The following DACH2 variants were observed in gnomAD, a reference collection of about 807,000 sequenced individuals.
DACH2 encodes the protein dachshund family transcription factor 2, also known as dachshund homolog 2.
Under a neutral mutation model 35.8 loss-of-function variants are expected in DACH2, and 17 were observed. The observed-to-expected ratio is 0.48, with a 90% CI of 0.33 to 0.71. DACH2 has a LOEUF of 0.71. Among genes scored for constraint, DACH2 ranks in the 30% least tolerant of loss-of-function variants. The pLI, the probability that DACH2 is intolerant of heterozygous loss-of-function variation, is 0.02. For missense variants in DACH2, 469 were observed against 472.7 expected (o/e 0.99, Z 0.07); for synonymous variants, 195 against 177.3 (o/e 1.10, Z -0.79).
chrX:86,252,029 C>T (rs999279216), intron 1 of DACH2, among the ~76,000 whole-genome samples: 11 of 111,199 alleles, frequency 9.9e-5, no homozygotes, highest in African/African-American at 2.9e-4. Context: ...TTTATTGTGG[C>T]CACTCTTGCA....
At chrX:86,522,674 T>C (rs2038573881) in intron 3 of DACH2, among the ~76,000 whole-genome samples, 1 of 111,546 alleles carries the variant, frequency 9.0e-6, no homozygotes, top group African/African-American at 3.3e-5. Context: ...GTTGCCTTTA[T>C]ATATTTGAAC....
chrX:86,432,229 G>T (rs1466897659), intron 2 of DACH2, among the ~76,000 whole-genome samples: 1 of 112,180 alleles, frequency 8.9e-6, no homozygotes, highest in Non-Finnish European at 1.9e-5. Flanking sequence ...CAACAGAAAA[G>T]AAGCTGATTT....
chrX:86,221,877 C>G (rs772786768), intron 1 of DACH2, among the ~76,000 whole-genome samples: 20 of 112,125 alleles, frequency 1.8e-4, no homozygotes, highest in African/African-American at 3.2e-4. Flanking sequence ...TTTATTGAGG[C>G]CTTTCTCCTT....
chrX:86,820,795 C>A (rs754354842), intron 11 of DACH2, among the ~76,000 whole-genome samples: 2 of 110,372 alleles, frequency 1.8e-5, no homozygotes, highest in South Asian at 7.6e-4. Context: ...TGAACAGTGT[C>A]TATCCTTCCT....
intron 2 of DACH2, among the ~76,000 whole-genome samples, chrX:86,396,898 T>C (rs1441054853): frequency 9.0e-6 from 1 of 111,302 alleles, no homozygotes; most frequent in East Asian, 2.8e-4. Flanking sequence ...ATATGAACTT[T>C]AAAGTAGTTT....
intron 1 of DACH2, among the ~76,000 whole-genome samples, chrX:86,331,987 G>C (rs955280476): frequency 9.0e-6 from 1 of 111,615 alleles, no homozygotes; most frequent in Non-Finnish European, 1.9e-5. Flanking sequence ...CACCGACATG[G>C]AGTTTTCTGA....
intron 2 of DACH2, among the ~76,000 whole-genome samples, chrX:86,456,516 T>C (rs983840995): frequency 6.3e-5 from 7 of 111,765 alleles, no homozygotes; most frequent in Non-Finnish European, 1.3e-4. Context: ...CCTTTTATCA[T>C]TGCTGTCATT....
chrX:86,727,282 T>C (rs985026012), intron 6 of DACH2, among the ~76,000 whole-genome samples: 1 of 111,834 alleles, frequency 8.9e-6, no homozygotes, highest in African/African-American at 3.3e-5. Context: ...ATTTAAAACA[T>C]ACCTACAGAA....
At chrX:86,184,356 T>C (rs1020038879) in intron 1 of DACH2, 11 of 132,677 alleles carry the variant, frequency 8.3e-5, no homozygotes, top group Non-Finnish European at 1.6e-4. Context: ...TACAGGTACA[T>C]GCCACCATGC....
intron 3 of DACH2, among the ~76,000 whole-genome samples, chrX:86,642,962 A>G (rs1025435168): frequency 9.0e-6 from 1 of 111,259 alleles, no homozygotes; most frequent in Non-Finnish European, 1.9e-5. Context: ...AGGCAGTGTT[A>G]AGAGGGAAAT....
chrX:86,237,869 T>C (rs941561550), intron 1 of DACH2, among the ~76,000 whole-genome samples: 2 of 111,947 alleles, frequency 1.8e-5, no homozygotes, highest in Non-Finnish European at 3.8e-5. Context: ...GACTGCAAGC[T>C]TGGAGATGTC....
intron 1 of DACH2, among the ~76,000 whole-genome samples, chrX:86,154,268 A>C (rs2030466171): frequency 9.0e-6 from 1 of 111,358 alleles, no homozygotes; most frequent in Non-Finnish European, 1.9e-5. Context: ...GGGGTTATCT[A>C]CTCTATACAT....
At chrX:86,635,014 C>A (rs181963054) in intron 3 of DACH2, among the ~76,000 whole-genome samples, 8 of 111,478 alleles carry the variant, frequency 7.2e-5, no homozygotes, top group African/African-American at 2.6e-4. Flanking sequence ...CTAACTTATT[C>A]TATAAGGCCA....
chrX:86,644,201 G>T (rs1408290820), intron 3 of DACH2, among the ~76,000 whole-genome samples: 1 of 109,710 alleles, frequency 9.1e-6, no homozygotes, highest in Non-Finnish European at 1.9e-5. Context: ...ATATGATTCA[G>T]CTGACACATA....
intron 2 of DACH2, among the ~76,000 whole-genome samples, chrX:86,425,883 G>A (rs2036885749): frequency 9.0e-6 from 1 of 110,866 alleles, no homozygotes. Context: ...GTTTAGTAGT[G>A]ATAAGTAGTA....
chrX:86,245,337 A>G (rs1178499092), intron 1 of DACH2, among the ~76,000 whole-genome samples: 2 of 111,282 alleles, frequency 1.8e-5, no homozygotes, highest in Admixed American at 1.9e-4. Context: ...ATGCTTATGG[A>G]CTCTGTTGCT....
At chrX:86,624,311 A>T (rs1166622247) in intron 3 of DACH2, among the ~76,000 whole-genome samples, 3 of 111,667 alleles carry the variant, frequency 2.7e-5, no homozygotes, top group Non-Finnish European at 3.8e-5. Context: ...AATTGCAACC[A>T]AGCAGATCAT....
intron 3 of DACH2, among the ~76,000 whole-genome samples, chrX:86,560,437 A>C (rs1479566960): frequency 2.0e-5 from 2 of 99,368 alleles, no homozygotes; most frequent in Non-Finnish European, 4.0e-5. Flanking sequence ...GCTCTTCTTG[A>C]GGAGTATCTT....
intron 1 of DACH2, among the ~76,000 whole-genome samples, chrX:86,259,620 T>C (rs919788639): frequency 2.7e-5 from 3 of 112,010 alleles, no homozygotes; most frequent in African/African-American, 9.7e-5. Flanking sequence ...GGATTACATC[T>C]GATAATTCTA....
Sources: gnomAD v4.1 joint callset for allele counts (sites outside exome capture counted in the v4.1 genomes callset) on GRCh38, gnomAD v4.1.1 for gene constraint, MANE v1.5 for transcripts, NCBI Gene and HGNC (gene_info 2026-07-23, HGNC 2026-07-21) for gene names.